FRMPD4: variants seen among roughly 807,000 people sequenced by gnomAD.
FRMPD4 encodes the protein FERM and PDZ domain-containing protein 4.
In FRMPD4, 22 loss-of-function variants were observed where a neutral mutation model predicts 94.1. The observed-to-expected ratio is 0.23, with a 90% CI of 0.17 to 0.33. The LOEUF (loss-of-function observed/expected upper bound fraction) is 0.33, where lower values mean the gene tolerates loss of function less well. FRMPD4 is among the 10% of genes least tolerant of loss of function. FRMPD4 has a pLI of 1.00. For missense variants in FRMPD4, 1,111 were observed against 1,339.9 expected, an observed-to-expected ratio of 0.83 and a Z score of 2.67; for synonymous variants, 631 against 548.6, an observed-to-expected ratio of 1.15 and a Z score of -2.10.
At chrX:12,083,102 C>T (rs1238252709) in intron 3 of FRMPD4, among the ~76,000 whole-genome samples, 8 of 112,663 alleles carry the variant, frequency 7.1e-5, no homozygotes, top group Non-Finnish European at 1.3e-4. Context: ...GGGAAAATGT[C>T]TCCAGGCCAT....
At chrX:11,847,583 G>A (rs972790825) in intron 1 of FRMPD4, among the ~76,000 whole-genome samples, 2 of 107,741 alleles carry the variant, frequency 1.9e-5, no homozygotes, top group Non-Finnish European at 1.9e-5. Flanking sequence ...ACATGCACAC[G>A]TATGTTTATT....
At chrX:12,532,774 G>A (rs1056008751) in intron 2 of FRMPD4, among the ~76,000 whole-genome samples, 3 of 111,317 alleles carry the variant, frequency 2.7e-5, no homozygotes, top group East Asian at 5.6e-4. Flanking sequence ...TTGGAGAAAG[G>A]AATTCTATTG....
chrX:12,714,971 G>A (rs1186468561), intron 14 of FRMPD4, among the ~76,000 whole-genome samples: 4 of 112,443 alleles, frequency 3.6e-5, no homozygotes, highest in African/African-American at 1.3e-4. Flanking sequence ...TCCATTGCAT[G>A]ATTTGCGGGG....
At chrX:12,658,412 G>A (rs1185809752) in intron 4 of FRMPD4, among the ~76,000 whole-genome samples, 5 of 112,127 alleles carry the variant, frequency 4.5e-5, no homozygotes, top group Admixed American at 1.9e-4. Flanking sequence ...AATGAAGGAA[G>A]TCTTATCCTA....
chrX:11,856,090 T>A (rs1172220087), intron 1 of FRMPD4, among the ~76,000 whole-genome samples: 4 of 111,591 alleles, frequency 3.6e-5, no homozygotes, highest in Non-Finnish European at 7.5e-5. Flanking sequence ...GGGGAGATAA[T>A]GAGTGCCCAG....
At chrX:12,165,825 G>T (rs1174228366) in intron 1 of FRMPD4, among the ~76,000 whole-genome samples, 2 of 111,036 alleles carry the variant, frequency 1.8e-5, no homozygotes, top group African/African-American at 6.6e-5. Flanking sequence ...GTGAATGGGA[G>T]TTCACTCATG....
At chrX:12,091,258 T>TAA (rs5901460) in intron 3 of FRMPD4, among the ~76,000 whole-genome samples, 1 of 109,504 alleles carries the variant, frequency 9.1e-6, no homozygotes, top group East Asian at 2.8e-4. Flanking sequence ...ACTAGGATTT[T>TAA]AAAAAAAAGC....
intron 1 of FRMPD4, among the ~76,000 whole-genome samples, chrX:12,368,039 A>G (rs181118453): frequency 1.2e-3 from 130 of 111,651 alleles, no homozygotes; most frequent in Non-Finnish European, 2.1e-3. Context: ...CTCTAATGCA[A>G]TGACCATACA....
chrX:12,247,174 C>G (rs1423544882), intron 1 of FRMPD4, among the ~76,000 whole-genome samples: 3 of 111,618 alleles, frequency 2.7e-5, no homozygotes, highest in Non-Finnish European at 5.6e-5. Flanking sequence ...TGTAGGGTGT[C>G]TGGCAGCATC....
At chrX:12,499,451 G>A (rs946348257) in intron 2 of FRMPD4, among the ~76,000 whole-genome samples, 2 of 111,718 alleles carry the variant, frequency 1.8e-5, no homozygotes, top group Admixed American at 9.4e-5. Flanking sequence ...GCAACCATTC[G>A]CTACTATCCA....
intron 1 of FRMPD4, among the ~76,000 whole-genome samples, chrX:12,400,810 T>C (rs1362097939): frequency 8.9e-6 from 1 of 112,276 alleles, no homozygotes; most frequent in Non-Finnish European, 1.9e-5. Flanking sequence ...ATGACACTGA[T>C]TTGAAGACAA....
chrX:12,692,438 A>T (rs1186870959), intron 8 of FRMPD4, among the ~76,000 whole-genome samples: 5 of 112,516 alleles, frequency 4.4e-5, no homozygotes, highest in African/African-American at 1.6e-4. Flanking sequence ...GTAAGAAATT[A>T]TATTTTTTCC....
At chrX:11,926,063 C>T (rs1321994138) in intron 3 of FRMPD4, among the ~76,000 whole-genome samples, 1 of 110,149 alleles carries the variant, frequency 9.1e-6, no homozygotes, top group African/African-American at 3.3e-5. Context: ...GATATTACCA[C>T]TGACCCCACT....
chrX:12,694,385 C>T lies in FRMPD4; in HGVS notation c.864C>T (p.Ser288=). ...SHKMRCLFRI[S]FVPKDPIDLL... Reference sequence around the variant, plus strand: ...AGATGAGATGTCTTTTCCGAATTAGCTTCGTCCCAAAAGATCCAATTGACC... The same window carrying T: ...AGATGAGATGTCTTTTCCGAATTAGTTTCGTCCCAAAAGATCCAATTGACC... Residue 288 remains serine (S), a synonymous_variant, in exon 9 of 17, where the codon AGC becomes AGT. Transcript: ENST00000675598. 1 of 1,191,044 alleles carries T rather than the reference C, an allele frequency of 8.4e-7. No homozygotes were observed. Among genetic ancestry groups the T allele is most frequent in the Non-Finnish European group, 1.1e-6 (1 of 876,630 alleles).
intron 1 of FRMPD4, among the ~76,000 whole-genome samples, chrX:12,449,021 T>C (rs2057233847): frequency 8.9e-6 from 1 of 111,790 alleles, no homozygotes; most frequent in Non-Finnish European, 1.9e-5. Context: ...AAGGAATTAA[T>C]TCTCTATTTC....
In FRMPD4 at chrX:12,718,543, C is replaced by G. The variant is rs756169244; in HGVS notation, c.3717C>G (p.Leu1239=). The change falls in exon 16 of 17, where the codon CTC becomes CTG. Residue 1239 remains leucine, a synonymous_variant. Coordinates refer to ENST00000675598, the MANE Select transcript of FRMPD4 (RefSeq NM_001368397.1). ...GTGCCACACCCGTGGAGTCGCCGCT[C>G]TGCCCCTCCCTGGGGAAGCACTTGA... ...SACATPVESP[L]CPSLGKHLIP... is the part of the protein sequence containing the mutation. 1 of 1,201,972 alleles carries G rather than the reference C, an allele frequency of 8.3e-7. No individual in the cohort carries two copies. The highest frequency in any genetic ancestry group is 3.0e-5 in the East Asian group (1 of 33,810).
At position 12,294,367 on chromosome X, in the gene FRMPD4, A is replaced by G. The variant is rs756764351; in HGVS notation, c.41+155355A>G. 5.4e-5 allele frequency among the ~76,000 whole-genome samples: 6 copies of G among 111,207 alleles called. No individual in the cohort carries two copies. In the South Asian group the frequency reaches 1.2e-3, roughly 21 times the overall value. ...CCCAACAAGTCTTAGAAAATAAACT[A>G]TGAGATCTAAGTAATTAAATCTGTT... On this transcript the variant is annotated intron_variant, in intron 1 of 16. Coordinates refer to ENST00000675598, the MANE Select transcript of FRMPD4 (RefSeq NM_001368397.1).
At chrX:12,625,945 TA>T (rs1333442415) in intron 4 of FRMPD4, among the ~76,000 whole-genome samples, 1 of 111,625 alleles carries the variant, frequency 9.0e-6, no homozygotes, top group Non-Finnish European at 1.9e-5. Flanking sequence ...AAAAGTTTAT[TA>T]AAAAATAATA....
intron 1 of FRMPD4, among the ~76,000 whole-genome samples, chrX:11,841,546 T>C (rs2053536731): frequency 9.1e-6 from 1 of 110,309 alleles, no homozygotes; most frequent in East Asian, 2.8e-4. Context: ...AAATGTCTTC[T>C]TTTGAGACGT....
Sources: allele counts gnomAD v4.1 joint callset (sites outside exome capture counted in the v4.1 genomes callset), GRCh38; gene constraint gnomAD v4.1.1; transcripts MANE v1.5; gene names NCBI Gene and HGNC (gene_info 2026-07-23, HGNC 2026-07-21).